The following SLC39A11 variants were observed in gnomAD, a reference collection of about 807,000 sequenced individuals.
SLC39A11 encodes solute carrier family 39 member 11, also known as zinc transporter ZIP11.
Under a neutral mutation model 36.1 loss-of-function variants are expected in SLC39A11, and 33 were observed. That is an observed-to-expected ratio of 0.91 (90% CI 0.69 to 1.22). SLC39A11 has a LOEUF of 1.22. Ranked by LOEUF, SLC39A11 falls within the 50% of genes most tolerant of loss-of-function variation. The probability of loss-of-function intolerance (pLI) is 0.00; values close to 1 mark genes in which losing one functional copy is unlikely to be tolerated. For synonymous variants in SLC39A11, 166 were observed against 170.3 expected (o/e 0.97, Z 0.20); for missense variants, 432 against 430.3 (o/e 1.00, Z -0.03).
chr17:73,024,637 T>C (rs1037660664), intron 4 of SLC39A11, among the ~76,000 whole-genome samples: 2 of 152,144 alleles, frequency 1.3e-5, no homozygotes, highest in African/African-American at 4.8e-5. Context: ...TCTAAGACAG[T>C]TGTCATATTT....
At chr17:72,956,466 G>C (rs1225060973) in intron 4 of SLC39A11, among the ~76,000 whole-genome samples, 1 of 152,236 alleles carries the variant, frequency 6.6e-6, no homozygotes, top group African/African-American at 2.4e-5. Flanking sequence ...GGCTGACAGA[G>C]AGGTAGAGCT....
chr17:72,864,596 T>C (rs968297174), intron 5 of SLC39A11, among the ~76,000 whole-genome samples: 3 of 152,208 alleles, frequency 2.0e-5, no homozygotes, highest in African/African-American at 7.2e-5. Flanking sequence ...GGGTCGATCC[T>C]AGCCACTATT....
chr17:72,738,217 G>T (rs758700031), intron 6 of SLC39A11, among the ~76,000 whole-genome samples: 1 of 152,076 alleles, frequency 6.6e-6, no homozygotes, highest in Non-Finnish European at 1.5e-5. Flanking sequence ...TGTTAGCCAG[G>T]ATGGTCTCGA....
intron 6 of SLC39A11, among the ~76,000 whole-genome samples, chr17:72,792,755 C>T (rs940028860): frequency 6.6e-6 from 1 of 152,148 alleles, no homozygotes; most frequent in African/African-American, 2.4e-5. Context: ...GGGTCTTCCC[C>T]CACTGACTTA....
At chr17:72,677,624 A>C (rs2071329621) in intron 7 of SLC39A11, among the ~76,000 whole-genome samples, 1 of 152,112 alleles carries the variant, frequency 6.6e-6, no homozygotes, top group South Asian at 2.1e-4. Context: ...GTGGTTCTCA[A>C]ACCCGAGTGT....
chr17:72,726,669 ACTTTT>A (rs1555649684), intron 7 of SLC39A11, among the ~76,000 whole-genome samples: 1 of 152,208 alleles, frequency 6.6e-6, no homozygotes, highest in Non-Finnish European at 1.5e-5. Flanking sequence ...AAAATATGCC[ACTTTT>A]CTTTCTAAAT....
At chr17:72,966,564 G>T (rs1175183927) in intron 4 of SLC39A11, among the ~76,000 whole-genome samples, 12 of 91,138 alleles carry the variant, frequency 1.3e-4, no homozygotes, top group African/African-American at 4.0e-4. Context: ...GTTTTTTTTT[G>T]TTATTGTTGT....
rs192185132 is a variant in SLC39A11 at position 72,907,726 on chromosome 17, C to G, written c.430+40026G>C. Among the ~76,000 whole-genome samples the G allele has an allele frequency of 2.2e-4, 33 of 152,356 alleles. 1 individual carries two copies. In the East Asian group the frequency reaches 6.4e-3, roughly 29 times the overall value. On this transcript the variant is annotated intron_variant, in intron 5 of 9. Transcript: ENST00000255559. ...TCCACTCAGGTGATCCAGTTCCATTCCCCTTAAATGGGTCCATGCAGAACC... is the reference window on the plus strand; with the variant it reads ...TCCACTCAGGTGATCCAGTTCCATTGCCCTTAAATGGGTCCATGCAGAACC...
At chr17:72,901,900 C>A (rs1290087496) in intron 5 of SLC39A11, among the ~76,000 whole-genome samples, 1 of 152,160 alleles carries the variant, frequency 6.6e-6, no homozygotes, top group Non-Finnish European at 1.5e-5. Flanking sequence ...GAACAGGAAA[C>A]AGGGTCTTTG....
intron 7 of SLC39A11, among the ~76,000 whole-genome samples, 168 bp from the exon 8 acceptor site, chr17:72,649,436 G>C (rs1022216864): frequency 1.3e-5 from 2 of 152,238 alleles, no homozygotes; most frequent in Non-Finnish European, 2.9e-5. Flanking sequence ...TCTAGGTAAA[G>C]AGCAGGGGCT....
chr17:72,945,818 C>T (rs532078520), intron 5 of SLC39A11, among the ~76,000 whole-genome samples: 4 of 152,326 alleles, frequency 2.6e-5, no homozygotes, highest in African/African-American at 7.2e-5. Context: ...CCCCTGACCC[C>T]GTCCCGGCTG....
chr17:72,709,994 C>T (rs2073050627), intron 7 of SLC39A11, among the ~76,000 whole-genome samples: 4 of 152,216 alleles, frequency 2.6e-5, no homozygotes, highest in Admixed American at 2.6e-4. Flanking sequence ...TTGATTGTTG[C>T]TCCTGTTCAA....
At chr17:72,770,228 A>C (rs962580471) in intron 6 of SLC39A11, among the ~76,000 whole-genome samples, 1 of 152,238 alleles carries the variant, frequency 6.6e-6, no homozygotes, top group Non-Finnish European at 1.5e-5. Context: ...AAAAGAACAA[A>C]TACTGTCTGA....
chr17:72,718,108 T>G (rs1259343706), intron 7 of SLC39A11, among the ~76,000 whole-genome samples: 3 of 152,230 alleles, frequency 2.0e-5, no homozygotes, highest in African/African-American at 7.2e-5. Flanking sequence ...GTGGATTTTT[T>G]ACCTAGGCTT....
At chr17:72,771,448 C>T (rs956254284) in intron 6 of SLC39A11, among the ~76,000 whole-genome samples, 4 of 151,946 alleles carry the variant, frequency 2.6e-5, no homozygotes, top group Non-Finnish European at 5.9e-5. Flanking sequence ...CTTCGTGCCT[C>T]GTGTTCTATA....
chr17:72,939,825 A>G (rs902272417), intron 5 of SLC39A11, among the ~76,000 whole-genome samples: 1 of 152,200 alleles, frequency 6.6e-6, no homozygotes, highest in Non-Finnish European at 1.5e-5. Context: ...TGTATAGTAC[A>G]AGATAACCAT....
At chr17:73,011,511 G>A (rs2090515098) in intron 4 of SLC39A11, among the ~76,000 whole-genome samples, 1 of 152,052 alleles carries the variant, frequency 6.6e-6, no homozygotes. Context: ...GGGAGACGAA[G>A]GTACCCTGAA....
chr17:72,784,962 C>T (rs569032795), intron 6 of SLC39A11, among the ~76,000 whole-genome samples: 45 of 151,402 alleles, frequency 3.0e-4, no homozygotes, highest in African/African-American at 6.6e-4. Flanking sequence ...CAGGTTCAAG[C>T]GATTCTCCTG....
At chr17:73,081,733 GTA>G (rs36165884) in intron 3 of SLC39A11, among the ~76,000 whole-genome samples, 5 of 142,504 alleles carry the variant, frequency 3.5e-5, no homozygotes, top group Admixed American at 1.4e-4. Flanking sequence ...ATATATGTAT[GTA>G]TATATATATA....
Sources: gnomAD v4.1 joint callset for allele counts (sites outside exome capture counted in the v4.1 genomes callset) on GRCh38, gnomAD v4.1.1 for gene constraint, MANE v1.5 for transcripts, NCBI Gene and HGNC (gene_info 2026-07-23, HGNC 2026-07-21) for gene names.